The following COQ8A variants were observed in gnomAD, a reference collection of about 807,000 sequenced individuals.
The protein encoded by COQ8A is coenzyme Q8A.
A neutral mutation model predicts 65.0 loss-of-function variants in COQ8A; 51 were observed. The observed-to-expected ratio is 0.78, with a 90% CI of 0.63 to 0.99. The LOEUF is 0.99. COQ8A is among the 50% of genes least tolerant of loss of function. COQ8A has a pLI of 0.00. For synonymous variants in COQ8A, 371 were observed against 353.2 expected (o/e 1.05, Z -0.57); for missense variants, 940 against 875.0 (o/e 1.07, Z -0.94).
chr1:226,985,839 A>G (rs1208558892), intron 14 of COQ8A, among the ~76,000 whole-genome samples: 1 of 152,218 alleles, frequency 6.6e-6, no homozygotes, highest in African/African-American at 2.4e-5. Flanking sequence ...GCCGTCTCAT[A>G]GGAGTGTCAT....
At chr1:226,981,072 G>A (rs1659656498) in intron 5 of COQ8A, among the ~76,000 whole-genome samples, 1 of 152,240 alleles carries the variant, frequency 6.6e-6, no homozygotes, top group African/African-American at 2.4e-5. Flanking sequence ...GATCTAACTA[G>A]ATTCACAGGA....
intron 2 of COQ8A, among the ~76,000 whole-genome samples, chr1:226,962,380 G>T (rs188628458): frequency 6.6e-6 from 1 of 152,202 alleles, no homozygotes; most frequent in African/African-American, 2.4e-5. Context: ...CAGTGAAATC[G>T]TGTGCTGGAG....
intron 1 of COQ8A, among the ~76,000 whole-genome samples, chr1:226,960,310 G>GTGGTA (rs1658103310): frequency 8.2e-6 from 1 of 122,472 alleles, no homozygotes; most frequent in African/African-American, 3.0e-5. Flanking sequence ...GGTGGTGGTG[G>GTGGTA]CGGTACTTGG....
At chr1:226,977,893 C>T (rs936172020) in intron 5 of COQ8A, among the ~76,000 whole-genome samples, 3 of 149,988 alleles carry the variant, frequency 2.0e-5, no homozygotes, top group African/African-American at 7.4e-5. Flanking sequence ...TTACCCCTTC[C>T]ACACCCAGCG....
In COQ8A at chr1:226,987,013, T is replaced by C. The variant is rs1660160003; in HGVS notation, c.*276T>C. On this transcript the variant is annotated 3_prime_UTR_variant, in exon 15 of 15. Coordinates refer to ENST00000366777, the MANE Select transcript of COQ8A (RefSeq NM_020247.5). ...GATGAAGATGAAAGGGCAACTTTGTTTTCTTCTTTTTCCTGATGTGAATGT... is the reference window on the plus strand; with the variant it reads ...GATGAAGATGAAAGGGCAACTTTGTCTTCTTCTTTTTCCTGATGTGAATGT... 2 of 515,944 alleles carry C rather than the reference T, an allele frequency of 3.9e-6. No individual in the cohort carries two copies. The highest frequency in any genetic ancestry group is 3.8e-5 in the African/African-American group (2 of 52,194). 32.0% of individuals were successfully genotyped at this position (515,944 alleles called of 1,614,324 possible). A position where few individuals can be genotyped will look rare whatever the true frequency, so the allele number is the denominator to read the frequency against.
chr1:226,983,640 G>T lies in COQ8A; in HGVS notation c.1162+7G>T. On this transcript the variant is annotated splice_region_variant and intron_variant, in intron 9 of 14. Coordinates refer to ENST00000366777, the MANE Select transcript of COQ8A (RefSeq NM_020247.5). The stretch of plus-strand genomic sequence containing the variant: ...AGCAACATGCTTCCAGAAGGTCTGA[G>T]GCTAGGTGGTTGGGTCAAGGGCAGG... The T allele has an allele frequency of 6.2e-7, 1 of 1,613,930 alleles. No individual in the cohort carries two copies. The highest frequency in any genetic ancestry group is 8.5e-7 in the Non-Finnish European group (1 of 1,179,992).
intron 4 of COQ8A, among the ~76,000 whole-genome samples, chr1:226,969,877 T>G (rs151075076): frequency 0.016 from 2,410 of 152,354 alleles, 26 homozygotes; most frequent in Middle Eastern, 0.034. Context: ...AGTTTTTGTT[T>G]GTTTACTATT....
At chr1:226,973,563 C>G (rs1431714713) in intron 4 of COQ8A, among the ~76,000 whole-genome samples, 1 of 152,220 alleles carries the variant, frequency 6.6e-6, no homozygotes, top group Non-Finnish European at 1.5e-5. Flanking sequence ...AACAGAGGGA[C>G]AGATCCTGAG....
chr1:226,954,221 T>C (rs189922424), intron 1 of COQ8A, among the ~76,000 whole-genome samples: 5 of 152,382 alleles, frequency 3.3e-5, no homozygotes, highest in Admixed American at 1.3e-4. Context: ...ATTTCCTTTT[T>C]CTGTTTCTTG....
intron 1 of COQ8A, among the ~76,000 whole-genome samples, chr1:226,960,917 C>T (rs116580947): frequency 1.1e-4 from 17 of 152,178 alleles, no homozygotes; most frequent in African/African-American, 2.2e-4. Context: ...GCACCAATGC[C>T]GTGAGTGGTC....
Position 226,984,952 on chromosome 1 carries a change from A to T in COQ8A, c.1572+11A>T. On this transcript the variant is annotated intron_variant, in intron 13 of 14. Coordinates refer to ENST00000366777, the MANE Select transcript of COQ8A (RefSeq NM_020247.5). ...GACCTCTACATTCAGGTAACTGGAGAGGGGCCCTGGCCTTGGTCCATGTTT... is the reference window on the plus strand; with the variant it reads ...GACCTCTACATTCAGGTAACTGGAGTGGGGCCCTGGCCTTGGTCCATGTTT... The T allele has an allele frequency of 7.4e-6, 12 of 1,614,010 alleles. No homozygotes were observed. Among genetic ancestry groups the T allele is most frequent in the Non-Finnish European group, 1.0e-5 (12 of 1,179,972 alleles).
intron 1 of COQ8A, among the ~76,000 whole-genome samples, chr1:226,947,935 T>G (rs1657143012): frequency 6.6e-6 from 1 of 152,194 alleles, no homozygotes; most frequent in Non-Finnish European, 1.5e-5. Context: ...GCTTGGTGCC[T>G]CGCACTTGGT....
intron 1 of COQ8A, among the ~76,000 whole-genome samples, chr1:226,950,024 A>G (rs549053992): frequency 6.6e-6 from 1 of 152,302 alleles, no homozygotes; most frequent in African/African-American, 2.4e-5. Context: ...TTAAGCAGTA[A>G]ACTTCACTAG....
chr1:226,986,210 G>A (rs1049966971), intron 14 of COQ8A, among the ~76,000 whole-genome samples: 9 of 151,928 alleles, frequency 5.9e-5, no homozygotes, highest in African/African-American at 2.2e-4. Context: ...CACGAGGCGG[G>A]ACGCATCCTC....
At chr1:226,985,361 TC>T in intron 14 of COQ8A, 21 bp downstream of exon 14, 1 of 1,611,886 alleles carries the variant, frequency 6.2e-7, no homozygotes, top group Non-Finnish European at 8.5e-7. Flanking sequence ...TTGCGGGGGA[TC>T]CCCTGGGCCT....
chr1:226,958,478 C>T lies in COQ8A; in HGVS notation c.-9-2899C>T, dbSNP rs896828016. 4.6e-5 allele frequency among the ~76,000 whole-genome samples: 7 copies of T among 152,140 alleles called. No individual in the cohort carries two copies. In the East Asian group the frequency reaches 5.8e-4, roughly 13 times the overall value. ...CCTGGCGTGTCAGCATCAGTTGGCC[C>T]CTAGCTGTCTCCCTGGTGTCTGTGC... is the stretch of plus-strand genomic sequence containing the variant. On this transcript the variant is annotated intron_variant, in intron 1 of 14. Coordinates refer to ENST00000366777, the MANE Select transcript of COQ8A (RefSeq NM_020247.5).
intron 5 of COQ8A, among the ~76,000 whole-genome samples, chr1:226,978,489 C>G (rs1659433336): frequency 1.4e-5 from 2 of 147,932 alleles, no homozygotes; most frequent in South Asian, 4.4e-4. Flanking sequence ...TGCACACCTC[C>G]TTACACATCC....
Position 226,964,983 on chromosome 1 carries a change from G to A in COQ8A, c.178-17G>A, listed in dbSNP as rs751333921. The A allele has an allele frequency of 9.3e-6, 15 of 1,613,340 alleles. No homozygotes were observed. The highest frequency in any genetic ancestry group is 1.3e-5 in the Non-Finnish European group (15 of 1,180,028). Reference sequence around the variant, plus strand: ...GCTCGCTCTTGCTCTCCTAATGCTGGCCTTTGCTCCCTGCAGGGTCAGGAT... The same window carrying A: ...GCTCGCTCTTGCTCTCCTAATGCTGACCTTTGCTCCCTGCAGGGTCAGGAT... On this transcript the variant is annotated splice_polypyrimidine_tract_variant and intron_variant, in intron 2 of 14. Coordinates refer to ENST00000366777, the MANE Select transcript of COQ8A (RefSeq NM_020247.5).
chr1:226,985,325 C>T lies in COQ8A; in HGVS notation c.1644C>T (p.Thr548=), dbSNP rs141423403. The T allele has an allele frequency of 5.9e-5, 96 of 1,613,482 alleles. No individual in the cohort carries two copies. The highest frequency in any genetic ancestry group is 3.1e-4 in the African/African-American group (23 of 74,902). The change falls in exon 14 of 15, where the codon ACC becomes ACT. Residue 548 remains threonine (T), a synonymous_variant. Transcript: ENST00000366777. The part of the protein sequence containing the change: ...RAKSIEMKFL[T]GYEVKVMEDA... ...AATCCATAGAGATGAAGTTCCTCACCGGCTACGAGGTCAAGGTGAGCAGGG... is the reference window on the plus strand; with the variant it reads ...AATCCATAGAGATGAAGTTCCTCACTGGCTACGAGGTCAAGGTGAGCAGGG...
Sources: gnomAD v4.1 joint callset for allele counts (sites outside exome capture counted in the v4.1 genomes callset) on GRCh38, gnomAD v4.1.1 for gene constraint, MANE v1.5 for transcripts, NCBI Gene and HGNC (gene_info 2026-07-23, HGNC 2026-07-21) for gene names.